ORMDL1: variants seen among roughly 807,000 people sequenced by gnomAD.
ORMDL1 encodes ORMDL sphingolipid biosynthesis regulator 1.
In ORMDL1, 10 loss-of-function variants were observed where a neutral mutation model predicts 13.0. That is an observed-to-expected ratio of 0.77 (90% CI 0.47 to 1.30). The LOEUF is 1.30. Among genes scored for constraint, ORMDL1 ranks in the 50% most tolerant of loss-of-function variants. ORMDL1 has a pLI of 0.00. For missense variants in ORMDL1, 171 were observed against 186.7 expected, an observed-to-expected ratio of 0.92 and a Z score of 0.49; for synonymous variants, 61 against 63.9, an observed-to-expected ratio of 0.95 and a Z score of 0.22.
intron 1 of ORMDL1, 157 bp downstream of exon 1, chr2:189,784,112 G>T (rs1221985344): frequency 1.3e-5 from 2 of 152,302 alleles, no homozygotes; most frequent in Admixed American, 6.5e-5. Flanking sequence ...TTGCGTAGGG[G>T]GCGAGCCTCT....
intron 4 of ORMDL1, 148 bp from the exon 5 acceptor site, chr2:189,772,050 G>A (rs2047590939): frequency 1.5e-6 from 1 of 649,844 alleles, no homozygotes; most frequent in Admixed American, 3.8e-5. Flanking sequence ...AGAGGAATCG[G>A]TTTGGTCCCA....
the ORMDL1 span, chr2:189,764,724 G>C: frequency 3.3e-5 from 5 of 152,100 alleles, no homozygotes; most frequent in Non-Finnish European, 7.4e-5. Flanking sequence ...AGTTCCAGCT[G>C]AATCTAGATA....
chr2:189,768,308 G>A (rs1000942637), downstream of ORMDL1, among the ~76,000 whole-genome samples: 2 of 152,134 alleles, frequency 1.3e-5, no homozygotes, highest in Admixed American at 6.5e-5. Context: ...ATTGTTTTAG[G>A]AATTACTCTT....
At chr2:189,766,782 C>G (rs896513243), downstream of ORMDL1, among the ~76,000 whole-genome samples, 4 of 152,014 alleles carry the variant, frequency 2.6e-5, no homozygotes, top group Non-Finnish European at 5.9e-5. Context: ...CTTCTGCCTT[C>G]CAGCCCTTGG....
At chr2:189,774,352 T>C (rs1466407168) in intron 4 of ORMDL1, among the ~76,000 whole-genome samples, 3 of 152,184 alleles carry the variant, frequency 2.0e-5, no homozygotes, top group Non-Finnish European at 4.4e-5. Flanking sequence ...TATATGGGAC[T>C]AAATCAATTC....
chr2:189,765,839 A>ATTTTTTTTTTTTTTTTTTTTTTTTT (rs72132150), downstream of ORMDL1, among the ~76,000 whole-genome samples: 1 of 106,750 alleles, frequency 9.4e-6, no homozygotes, highest in African/African-American at 3.6e-5. Context: ...TACTTTCTCC[A>ATTTTTTTTTTTTTTTTTTTTTTTTT]TTTTTTTTTT....
chr2:189,775,300 C>G (rs1393659501), intron 4 of ORMDL1: 1 of 298,004 alleles, frequency 3.4e-6, no homozygotes, highest in Non-Finnish European at 6.2e-6. Context: ...AGGACGGGAG[C>G]TGGAATACAT....
chr2:189,775,384 A>G (rs2106146272), intron 4 of ORMDL1, 181 bp downstream of exon 4: 1 of 606,614 alleles, frequency 1.6e-6, no homozygotes, highest in Non-Finnish European at 2.8e-6. Flanking sequence ...TACTGACTGA[A>G]GTGAAAATTA....
At chr2:189,773,072 CTCATT>C (rs1412832558) in intron 4 of ORMDL1, among the ~76,000 whole-genome samples, 2 of 152,204 alleles carry the variant, frequency 1.3e-5, no homozygotes, top group African/African-American at 4.8e-5. Flanking sequence ...ATTTAGCAAA[CTCATT>C]TCATTTCCCA....
rs2047566753 is a variant in ORMDL1, at chr2:189,771,035, G to T, written c.*732C>A. On this transcript the variant is annotated 3_prime_UTR_variant, in exon 5 of 5. Transcript: ENST00000392349. ...ATTAATTATTTTCTTAATTGGTTTAGCAGCCTTGTGTCTGGAAAAGCAGTA... is the reference window on the plus strand; with the variant it reads ...ATTAATTATTTTCTTAATTGGTTTATCAGCCTTGTGTCTGGAAAAGCAGTA... The T allele has an allele frequency of 6.6e-6, 1 of 152,086 alleles. No individual in the cohort carries two copies. The highest frequency in any genetic ancestry group is 2.4e-5 in the African/African-American group (1 of 41,404). 9.4% of individuals were successfully genotyped at this position (152,086 alleles called of 1,614,324 possible). A position where few individuals can be genotyped will look rare whatever the true frequency, so the allele number is the denominator to read the frequency against.
intron 2 of ORMDL1, 156 bp from the exon 3 acceptor site, chr2:189,782,758 G>A (rs2106160316): frequency 3.4e-6 from 2 of 582,004 alleles, no homozygotes; most frequent in South Asian, 2.3e-5. Context: ...ACTTGTAGAT[G>A]CTGATGACAG....
chr2:189,768,062 A>AC (rs1312214341), downstream of ORMDL1, among the ~76,000 whole-genome samples: 1 of 152,206 alleles, frequency 6.6e-6, no homozygotes, highest in African/African-American at 2.4e-5. Flanking sequence ...ACTACTTGCT[A>AC]CATCACTGGA....
chr2:189,774,040 CTG>C (rs2047640108), intron 4 of ORMDL1: 1 of 152,178 alleles, frequency 6.6e-6, no homozygotes, highest in African/African-American at 2.4e-5. Flanking sequence ...GATGAGAAAA[CTG>C]AGCTTTTGAA....
intron 3 of ORMDL1, among the ~76,000 whole-genome samples, chr2:189,776,891 G>A (rs2047709678): frequency 6.6e-6 from 1 of 150,554 alleles, no homozygotes; most frequent in South Asian, 2.1e-4. Context: ...TCCTCCAAGA[G>A]ATGATAAGGA....
chr2:189,782,568 C>T lies in ORMDL1; in HGVS notation c.28G>A (p.Val10Met). The change falls in exon 3 of 5, where the codon GTG (valine) becomes ATG (methionine). Residue 10 changes from valine (V) to methionine (M), a missense_variant. Physicochemically the swap from Val to Met is conservative, Grantham distance 21 (BLOSUM62 1). Coordinates refer to ENST00000392349, the MANE Select transcript of ORMDL1 (RefSeq NM_016467.5). Reference protein sequence around the residue: MNVGVAHSEVNPNTRVMNSR... With the variant: MNVGVAHSEMNPNTRVMNSR... ...TTCATGACACGGGTATTTGGATTCACTTCACTGTGGGCAACTCCAACGTTC... is the reference window on the plus strand; with the variant it reads ...TTCATGACACGGGTATTTGGATTCATTTCACTGTGGGCAACTCCAACGTTC... The T allele has an allele frequency of 1.2e-6, 2 of 1,614,176 alleles. No homozygotes were observed. The highest frequency in any genetic ancestry group is 1.7e-6 in the Non-Finnish European group (2 of 1,180,012).
downstream of ORMDL1, among the ~76,000 whole-genome samples, chr2:189,766,205 A>T (rs1397550797): frequency 6.6e-6 from 1 of 152,188 alleles, no homozygotes; most frequent in Non-Finnish European, 1.5e-5. Flanking sequence ...TAATACTGTC[A>T]ATCAGGTCTT....
At chr2:189,773,508 G>C (rs1029582798) in intron 4 of ORMDL1, among the ~76,000 whole-genome samples, 1 of 152,088 alleles carries the variant, frequency 6.6e-6, no homozygotes, top group African/African-American at 2.4e-5. Flanking sequence ...GATCACCTGA[G>C]GTGAGAAGTT....
chr2:189,779,952 T>C (rs934245577), intron 3 of ORMDL1, among the ~76,000 whole-genome samples: 1 of 152,240 alleles, frequency 6.6e-6, no homozygotes, highest in African/African-American at 2.4e-5. Context: ...AGCTCCATTT[T>C]ACTCTCTAAA....
chr2:189,777,145 T>C (rs139677586), intron 3 of ORMDL1, among the ~76,000 whole-genome samples: 78 of 152,318 alleles, frequency 5.1e-4, no homozygotes, highest in African/African-American at 1.8e-3. Flanking sequence ...AAAATACGAT[T>C]ACAGTACAAT....
Sources: gnomAD v4.1 joint callset for allele counts (sites outside exome capture counted in the v4.1 genomes callset) on GRCh38, gnomAD v4.1.1 for gene constraint, MANE v1.5 for transcripts, NCBI Gene and HGNC (gene_info 2026-07-23, HGNC 2026-07-21) for gene names.